Variants in ZNF532 observed in about 807,000 individuals in gnomAD.
ZNF532 encodes zinc finger protein 532.
Under a neutral mutation model 89.3 loss-of-function variants are expected in ZNF532, and 22 were observed. The observed-to-expected ratio is 0.25, with a 90% CI of 0.18 to 0.35. ZNF532 has a LOEUF of 0.35. Among genes scored for constraint, ZNF532 ranks in the 10% least tolerant of loss-of-function variants. The pLI is 1.00. For missense variants in ZNF532, 1,132 were observed against 1,643.4 expected (o/e 0.69, Z 5.38); for synonymous variants, 606 against 649.6 (o/e 0.93, Z 1.02).
chr18:58,895,401 A>T (rs1344914299), intron 2 of ZNF532, among the ~76,000 whole-genome samples: 1 of 152,246 alleles, frequency 6.6e-6, no homozygotes, highest in Non-Finnish European at 1.5e-5. Flanking sequence ...TGGCGATTCA[A>T]AATGTGCTTT....
intron 5 of ZNF532, among the ~76,000 whole-genome samples, chr18:58,943,069 A>C (rs2146768704): frequency 6.6e-6 from 1 of 151,846 alleles, no homozygotes; most frequent in Non-Finnish European, 1.5e-5. Flanking sequence ...GTGGGCAGGC[A>C]TAGTACCCTG....
chr18:58,888,862 A>AT (rs1386896827), intron 2 of ZNF532, among the ~76,000 whole-genome samples: 17 of 49,722 alleles, frequency 3.4e-4, no homozygotes, highest in East Asian at 9.2e-4. Context: ...TAATTTATAT[A>AT]TATATAATAT....
chr18:58,890,806 C>A (rs759219557), intron 2 of ZNF532, among the ~76,000 whole-genome samples: 1 of 151,802 alleles, frequency 6.6e-6, no homozygotes, highest in African/African-American at 2.4e-5. Context: ...ACCTCTTCTT[C>A]CCGGTAGGTA....
At chr18:58,899,030 T>C (rs1056393039) in intron 2 of ZNF532, among the ~76,000 whole-genome samples, 1 of 152,246 alleles carries the variant, frequency 6.6e-6, no homozygotes, top group African/African-American at 2.4e-5. Flanking sequence ...GCCCCCTTTG[T>C]CTGGAAGCAC....
chr18:58,873,222 A>G (rs747807219), intron 2 of ZNF532, among the ~76,000 whole-genome samples: 6 of 151,902 alleles, frequency 3.9e-5, no homozygotes, highest in African/African-American at 1.2e-4. Flanking sequence ...GGATCTCTCT[A>G]TGTTGCCCAG....
intron 8 of ZNF532, chr18:58,980,592 C>T (rs377555018): frequency 2.0e-5 from 3 of 152,218 alleles, no homozygotes; most frequent in African/African-American, 2.4e-5. Context: ...CCCTCAGTAG[C>T]ATTCTTGATA....
chr18:58,872,401 T>C (rs1278717095), intron 2 of ZNF532, among the ~76,000 whole-genome samples: 4 of 152,196 alleles, frequency 2.6e-5, no homozygotes, highest in Non-Finnish European at 4.4e-5. Context: ...TAGTAATGGG[T>C]ATTGATTTTA....
intron 2 of ZNF532, among the ~76,000 whole-genome samples, chr18:58,892,132 T>C (rs1330807926): frequency 2.0e-5 from 3 of 152,236 alleles, no homozygotes; most frequent in Admixed American, 2.0e-4. Flanking sequence ...CTCTCATCTT[T>C]CATTTTATCG....
intron 2 of ZNF532, among the ~76,000 whole-genome samples, chr18:58,900,367 T>G (rs989878491): frequency 6.6e-6 from 1 of 152,232 alleles, no homozygotes; most frequent in Non-Finnish European, 1.5e-5. Flanking sequence ...GGTTTCTGTC[T>G]CATGCTCACC....
chr18:58,916,811 A>G (rs1272844720), intron 2 of ZNF532: 1 of 792,364 alleles, frequency 1.3e-6, no homozygotes, highest in African/African-American at 1.9e-5. Flanking sequence ...ATTCTCACTG[A>G]GTAGAAATTC....
In ZNF532 at chr18:58,953,677, C is replaced by G; in HGVS notation, c.3028C>G (p.Pro1010Ala). The change falls in exon 7 of 10, where the codon CCT (proline) becomes GCT (alanine). Residue 1010 changes from proline to alanine, a missense_variant. Coordinates refer to ENST00000591808, the MANE Select transcript of ZNF532 (RefSeq NM_001375912.1). ...GAAATTGGAAAAGAAATCTCCATCT[C>G]CTGTGAAAAAATCAATGGAAACCAA... The part of the protein sequence containing the change: ...KEKLEKKSPS[P>A]VKKSMETKKV... 1.2e-6 allele frequency: 2 copies of G among 1,613,988 alleles called. No individual in the cohort carries two copies. The highest frequency in any genetic ancestry group is 1.7e-6 in the Non-Finnish European group (2 of 1,179,884).
At chr18:58,903,180 A>C (rs2059710479) in intron 2 of ZNF532, among the ~76,000 whole-genome samples, 2 of 152,200 alleles carry the variant, frequency 1.3e-5, no homozygotes, top group Admixed American at 1.3e-4. Flanking sequence ...CTCTTCCTTC[A>C]GTAGAACCTG....
At chr18:58,868,809 C>T (rs568436914) in intron 2 of ZNF532, among the ~76,000 whole-genome samples, 6 of 152,220 alleles carry the variant, frequency 3.9e-5, no homozygotes, top group South Asian at 4.2e-4. Flanking sequence ...AGTCACGTGT[C>T]GATTAATGCA....
intron 7 of ZNF532, among the ~76,000 whole-genome samples, chr18:58,958,150 A>T (rs989142911): frequency 1.1e-4 from 16 of 151,312 alleles, no homozygotes; most frequent in Admixed American, 6.6e-5. Flanking sequence ...TGCTCTTTTT[A>T]AAAAATGAAT....
In ZNF532 at chr18:58,919,129, A is replaced by G. The variant is rs1286903878; in HGVS notation, c.842A>G (p.Lys281Arg). The G allele has an allele frequency of 6.2e-7, 1 of 1,614,222 alleles. No individual in the cohort carries two copies. The highest frequency in any genetic ancestry group is 1.7e-5 in the Admixed American group (1 of 60,032). Residue 281 changes from lysine (K) to arginine (R), a missense_variant, in exon 3 of 10, where the codon AAG (lysine) becomes AGG (arginine). Coordinates refer to ENST00000591808, the MANE Select transcript of ZNF532 (RefSeq NM_001375912.1). This position sits in a 1 kb window ranked among gnomAD's most constrained non-coding sequence, Gnocchi z 6.1. Reference sequence around the variant, plus strand: ...GCCATCGCGGCTCTCAGCGCTAAAAAGGCGGCTTCAGACTCCTGCAAAGAA... The same window carrying G: ...GCCATCGCGGCTCTCAGCGCTAAAAGGGCGGCTTCAGACTCCTGCAAAGAA... ...IAAIAALSAK[K>R]AASDSCKEPV...
At chr18:58,978,984 C>T in intron 7 of ZNF532, 71 bp from the exon 8 acceptor site, 1 of 1,260,014 alleles carries the variant, frequency 7.9e-7, no homozygotes, top group Non-Finnish European at 1.1e-6. Context: ...TAAACTATTA[C>T]AAAAGAGTTC....
chr18:58,969,462 G>A (rs754004348), intron 7 of ZNF532, among the ~76,000 whole-genome samples: 2 of 152,152 alleles, frequency 1.3e-5, no homozygotes, highest in Admixed American at 1.3e-4. Flanking sequence ...ATCGCTGCCC[G>A]GCAGCTTGGT....
intron 2 of ZNF532, among the ~76,000 whole-genome samples, chr18:58,879,196 T>G (rs1270211699): frequency 6.6e-6 from 1 of 152,192 alleles, no homozygotes; most frequent in African/African-American, 2.4e-5. Context: ...ATCTGATACA[T>G]TAGCGTCTCT....
intron 7 of ZNF532, among the ~76,000 whole-genome samples, chr18:58,971,655 G>T (rs544904271): frequency 1.3e-5 from 2 of 152,172 alleles, no homozygotes; most frequent in African/African-American, 4.8e-5. Flanking sequence ...ACTAGAGCTG[G>T]TGTGGGAAAC....
Sources: allele counts gnomAD v4.1 joint callset (sites outside exome capture counted in the v4.1 genomes callset), GRCh38; gene constraint gnomAD v4.1.1; non-coding constraint Gnocchi (gnomAD v3.1); transcripts MANE v1.5; gene names NCBI Gene and HGNC (gene_info 2026-07-23, HGNC 2026-07-21).